Variants in FER1L6 observed in about 807,000 individuals in gnomAD.
FER1L6 encodes the protein fer-1 like family member 6.
A neutral mutation model predicts 219.2 loss-of-function variants in FER1L6; 177 were observed. That is an observed-to-expected ratio of 0.81 (90% CI 0.71 to 0.91). The LOEUF is 0.91. Among genes scored for constraint, FER1L6 ranks in the 40% least tolerant of loss-of-function variants. FER1L6 has a pLI of 0.00. For synonymous variants in FER1L6, 768 were observed against 824.3 expected (o/e 0.93, Z 1.17); for missense variants, 2,153 against 2,259.9 (o/e 0.95, Z 0.96).
At chr8:123,898,150 T>C (rs1812776842) in intron 1 of FER1L6, among the ~76,000 whole-genome samples, 1 of 150,656 alleles carries the variant, frequency 6.6e-6, no homozygotes, top group South Asian at 2.1e-4. Flanking sequence ...AAAAATCAGT[T>C]ATTATATATG....
chr8:123,975,787 C>A, intron 8 of FER1L6, 111 bp from the exon 9 acceptor site: 1 of 846,734 alleles, frequency 1.2e-6, no homozygotes, highest in Non-Finnish European at 1.8e-6. Context: ...TTACTCTTTT[C>A]AGATTTGTCT....
intron 21 of FER1L6, 86 bp from the exon 22 acceptor site, chr8:124,049,507 GTTTTGTGGAGGTTA>G (rs1819901693): frequency 4.5e-6 from 6 of 1,347,288 alleles, no homozygotes; most frequent in South Asian, 2.6e-5. Flanking sequence ...GAAGCTGATG[GTTTTGTGGAGGTTA>G]TTTTGTGGAG....
In FER1L6 at chr8:123,950,231, G is replaced by A. The variant is rs554351567; in HGVS notation, c.-7-5761G>A. Among the ~76,000 whole-genome samples, 14 of 152,232 alleles carry A rather than the reference G, an allele frequency of 9.2e-5. No individual in the cohort carries two copies. In the South Asian group the frequency reaches 2.5e-3, roughly 27 times the overall value. ...ATTTTCCTTGCACTCTAAATAGCGC[G>A]GTCATGTGTGATGTGCTGATGCTTA... On this transcript the variant is annotated intron_variant, in intron 1 of 40. Coordinates refer to ENST00000522917, the MANE Select transcript of FER1L6 (RefSeq NM_001039112.2).
At chr8:123,975,813 C>T in intron 8 of FER1L6, 85 bp from the exon 9 acceptor site, 4 of 1,123,560 alleles carry the variant, frequency 3.6e-6, no homozygotes, top group Non-Finnish European at 3.8e-6. Context: ...TGGGATCTTT[C>T]TTTCTGCCTC....
intron 37 of FER1L6, among the ~76,000 whole-genome samples, chr8:124,098,847 G>A (rs567700476): frequency 4.1e-4 from 62 of 152,228 alleles, no homozygotes; most frequent in East Asian, 7.7e-4. Flanking sequence ...CCTCCCACTC[G>A]CTTCTCAGTC....
chr8:124,119,532 C>T (rs1683638131), intron 40 of FER1L6, 75 bp from the exon 41 acceptor site: 9 of 983,322 alleles, frequency 9.2e-6, no homozygotes, highest in Non-Finnish European at 1.3e-5. Flanking sequence ...GAGTCGGAAA[C>T]ACTTCCTGGG....
rs148211901 is a variant in FER1L6 at position 124,031,411 on chromosome 8, C to T, written c.2287-3866C>T. The stretch of plus-strand genomic sequence containing the variant: ...AAGGGTATTATCTAATGCTAGTGGA[C>T]TGAGTGGGGAAACAGCAAGGCCTGT... On this transcript the variant is annotated intron_variant, in intron 18 of 40. Transcript: ENST00000522917. Among the ~76,000 whole-genome samples the T allele has an allele frequency of 1.2e-4, 18 of 152,126 alleles. No individual in the cohort carries two copies. The East Asian group carries it at 3.5e-3, about 29-fold the overall frequency.
chr8:123,933,572 AGT>A (rs1813867474), intron 1 of FER1L6, among the ~76,000 whole-genome samples: 1 of 152,212 alleles, frequency 6.6e-6, no homozygotes, highest in African/African-American at 2.4e-5. Flanking sequence ...CACAGGTCTG[AGT>A]GTGTTGGTGA....
chr8:123,952,994 C>T (rs1357116656), intron 1 of FER1L6, among the ~76,000 whole-genome samples: 1 of 152,304 alleles, frequency 6.6e-6, no homozygotes, highest in Middle Eastern at 3.4e-3. Flanking sequence ...TATCCAACCC[C>T]AAATTCTAGA....
chr8:123,878,441 G>A (rs1254632711), intron 1 of FER1L6, among the ~76,000 whole-genome samples: 3 of 152,136 alleles, frequency 2.0e-5, no homozygotes, highest in Non-Finnish European at 2.9e-5. Flanking sequence ...AGCTTCTGAC[G>A]TACCCATCAC....
chr8:124,003,479 T>TG, intron 13 of FER1L6, 132 bp downstream of exon 13: 8 of 651,024 alleles, frequency 1.2e-5, no homozygotes, highest in Non-Finnish European at 4.9e-6. Context: ...TTTTTTTTTT[T>TG]TTGAGACGGA....
At chr8:123,975,059 G>A in intron 7 of FER1L6, 91 bp from the exon 8 acceptor site, 1 of 1,202,480 alleles carries the variant, frequency 8.3e-7, no homozygotes, top group Non-Finnish European at 1.1e-6. Context: ...AGAGGGAGGA[G>A]AGCCTGGGAG....
intron 21 of FER1L6, chr8:124,046,153 G>T: frequency 2.5e-6 from 1 of 404,410 alleles, no homozygotes; most frequent in South Asian, 3.8e-5. Context: ...CTGGTTTACA[G>T]AACGTCAGTC....
intron 6 of FER1L6, among the ~76,000 whole-genome samples, chr8:123,972,229 G>T (rs1815854064): frequency 6.6e-6 from 1 of 152,222 alleles, no homozygotes; most frequent in Admixed American, 6.5e-5. Context: ...AAAGAGAAAT[G>T]AGGAGGGCTG....
At chr8:123,985,000 A>C (rs1294397282) in intron 11 of FER1L6, 1 of 152,220 alleles carries the variant, frequency 6.6e-6, no homozygotes, top group African/African-American at 2.4e-5. Context: ...GTCCAGCAAC[A>C]TCTGTTCCCT....
At position 124,064,480 on chromosome 8, in the gene FER1L6, G is replaced by A. The variant is rs764875898; in HGVS notation, c.3462G>A (p.Pro1154=). Residue 1154 remains proline, a synonymous_variant, in exon 26 of 41, where the codon CCG becomes CCA. Coordinates refer to ENST00000522917, the MANE Select transcript of FER1L6 (RefSeq NM_001039112.2). ...TVVPDSAQAQ[P]AILVDVPDSS... ...TGCCCGACTCTGCCCAGGCCCAGCC[G>A]GCCATCCTGGTTGACGTCCCTGACT... is the stretch of plus-strand genomic sequence containing the variant. The A allele has an allele frequency of 2.2e-5, 35 of 1,613,876 alleles. No homozygotes were observed. The highest frequency in any genetic ancestry group is 2.2e-5 in the East Asian group (1 of 44,884).
intron 1 of FER1L6, among the ~76,000 whole-genome samples, chr8:123,889,056 A>T (rs1817255855): frequency 6.6e-6 from 1 of 152,202 alleles, no homozygotes. Context: ...TGTCTTTCCT[A>T]GAAATTATGA....
chr8:124,072,737 G>T (rs1056410274), intron 31 of FER1L6, among the ~76,000 whole-genome samples: 11 of 152,198 alleles, frequency 7.2e-5, no homozygotes, highest in African/African-American at 2.7e-4. Flanking sequence ...TCACAGTGTA[G>T]TTGGAAAGAT....
intron 1 of FER1L6, among the ~76,000 whole-genome samples, chr8:123,950,782 A>G (rs1814726238): frequency 6.6e-6 from 1 of 152,240 alleles, no homozygotes; most frequent in Admixed American, 6.5e-5. Context: ...CACAGTATGC[A>G]AGAATGAACT....
Sources: allele counts gnomAD v4.1 joint callset (sites outside exome capture counted in the v4.1 genomes callset), GRCh38; gene constraint gnomAD v4.1.1; transcripts MANE v1.5; gene names NCBI Gene and HGNC (gene_info 2026-07-23, HGNC 2026-07-21).